DHX58: variants seen among roughly 807,000 people sequenced by gnomAD.
DHX58 encodes DExH-box helicase 58.
Under a neutral mutation model 65.0 loss-of-function variants are expected in DHX58, and 51 were observed. That is an observed-to-expected ratio of 0.78 (90% CI 0.63 to 0.99). The LOEUF is 0.99. DHX58 is among the 50% of genes least tolerant of loss of function. The pLI, the probability that DHX58 is intolerant of heterozygous loss-of-function variation, is 0.00. For synonymous variants in DHX58, 350 were observed against 365.0 expected (o/e 0.96, Z 0.47); for missense variants, 773 against 891.8 (o/e 0.87, Z 1.70).
At chr17:42,105,611 A>T (rs1459425003) in intron 9 of DHX58, 125 bp downstream of exon 9, 8 of 1,464,410 alleles carry the variant, frequency 5.5e-6, no homozygotes, top group Non-Finnish European at 7.2e-6. Flanking sequence ...CTGCCTGGGG[A>T]TAGTCAACTT....
chr17:42,102,219 C>T lies in DHX58; in HGVS notation c.1848G>A (p.Gly616=), dbSNP rs149287727. ...PGGVISCRNC[G]EVWGLQMIYK... is the part of the protein sequence containing the mutation. ...GGGACGTGGCCTAAGCTCTTACCTC[C>T]CCACAGTTCCTGCAGCTGATGACAC... Residue 616 remains glycine, a synonymous_variant, in exon 13 of 14, where the codon GGG becomes GGA. Coordinates refer to ENST00000251642, the MANE Select transcript of DHX58 (RefSeq NM_024119.3). 1.2e-5 allele frequency: 20 copies of T among 1,614,052 alleles called. No homozygotes were observed. The South Asian group carries it at 1.3e-4, about 11-fold the overall frequency.
rs148306396 is a variant in DHX58, at chr17:42,105,850, G to A, written c.1137C>T (p.Ser379=). Residue 379 remains serine (S), a synonymous_variant, in exon 9 of 14, where the codon AGC becomes AGT. Transcript: ENST00000251642. ...RGIIFTRTRQ[S]AHSLLLWLQQ... ...GGAGCCAGAGCAGGAGGGAGTGTGCGCTTTGGCGGGTGCGGGTGAAGATGA... is the reference window on the plus strand; with the variant it reads ...GGAGCCAGAGCAGGAGGGAGTGTGCACTTTGGCGGGTGCGGGTGAAGATGA... 96 of 1,614,030 alleles carry A rather than the reference G, an allele frequency of 5.9e-5. No individual in the cohort carries two copies. The highest frequency in any genetic ancestry group is 5.5e-4 in the African/African-American group (41 of 75,036).
intron 12 of DHX58, 83 bp from the exon 13 acceptor site, chr17:42,102,395 G>A: frequency 7.9e-7 from 1 of 1,259,400 alleles, no homozygotes; most frequent in Non-Finnish European, 1.2e-6. Context: ...CCAAGTCTCT[G>A]CCTGGACCTT....
chr17:42,106,824 A>G (rs946346187), intron 8 of DHX58, among the ~76,000 whole-genome samples: 2 of 151,484 alleles, frequency 1.3e-5, no homozygotes, highest in Admixed American at 6.6e-5. Flanking sequence ...AAAAACAAAA[A>G]AGGATGCCTC....
At chr17:42,110,316 G>A (rs797024608) in intron 5 of DHX58, among the ~76,000 whole-genome samples, 19 of 152,250 alleles carry the variant, frequency 1.2e-4, no homozygotes, top group African/African-American at 4.1e-4. Context: ...GCATTAAGCT[G>A]TTCAATGAAT....
chr17:42,109,947 G>A (rs1269898447), intron 5 of DHX58, among the ~76,000 whole-genome samples: 2 of 151,902 alleles, frequency 1.3e-5, no homozygotes, highest in Non-Finnish European at 1.5e-5. Context: ...CAGCACTATG[G>A]GAGGCCAAGG....
intron 12 of DHX58, chr17:42,103,261 G>T: frequency 3.2e-6 from 1 of 316,164 alleles, no homozygotes. Context: ...CTCTCTAGGA[G>T]ATAGTGGATG....
intron 8 of DHX58, 129 bp downstream of exon 8, chr17:42,107,475 G>GA: frequency 8.9e-7 from 1 of 1,122,608 alleles, no homozygotes. Flanking sequence ...ATTTTGGTTA[G>GA]AAAAATAGGA....
intron 4 of DHX58, 131 bp downstream of exon 4, chr17:42,111,164 AG>A: frequency 8.5e-7 from 1 of 1,171,892 alleles, no homozygotes; most frequent in Non-Finnish European, 1.2e-6. Flanking sequence ...GAGTGCCTGC[AG>A]GGGTTTTGTG....
chr17:42,103,821 G>T (rs782031836), intron 11 of DHX58, 23 bp from the exon 12 acceptor site: 6 of 1,594,946 alleles, frequency 3.8e-6, no homozygotes, highest in Non-Finnish European at 5.1e-6. Context: ...GAGACACCAG[G>T]CATGGCTGGG....
intron 12 of DHX58, 77 bp downstream of exon 12, chr17:42,103,531 C>G: frequency 6.5e-7 from 1 of 1,548,784 alleles, no homozygotes; most frequent in Non-Finnish European, 8.8e-7. Context: ...TCTTTAGCTT[C>G]CCAAAGCTTC....
Position 42,108,097 on chromosome 17 carries a change from C to T in DHX58, c.690G>A (p.Gly230=), listed in dbSNP as rs782063165. 2 of 1,614,232 alleles carry T rather than the reference C, an allele frequency of 1.2e-6. No homozygotes were observed. The highest frequency in any genetic ancestry group is 1.7e-6 in the Non-Finnish European group (2 of 1,180,046). ...LCHRRSQDPF[G]DLLKKLMDQI... ...GGTCCATGAGCTTCTTCAGCAAGTC[C>T]CCAAACGGATCCTGAGCAAGAGGAG... Residue 230 remains glycine, a synonymous_variant, in exon 7 of 14, where the codon GGG becomes GGA. Coordinates refer to ENST00000251642, the MANE Select transcript of DHX58 (RefSeq NM_024119.3).
chr17:42,103,944 G>T, intron 11 of DHX58, 146 bp from the exon 12 acceptor site: 1 of 922,128 alleles, frequency 1.1e-6, no homozygotes, highest in Non-Finnish European at 1.6e-6. Flanking sequence ...CTCTATTGCT[G>T]TGATGATGCA....
Position 42,103,809 on chromosome 17 carries a change from A to C in DHX58, c.1564-11T>G. On this transcript the variant is annotated splice_polypyrimidine_tract_variant and intron_variant, in intron 11 of 13. Coordinates refer to ENST00000251642, the MANE Select transcript of DHX58 (RefSeq NM_024119.3). ...CTGCAGATCCCGGATCTGGGGTGGG[A>C]GGAGACACCAGGCATGGCTGGGGCC... 6.3e-7 allele frequency: 1 copy of C among 1,599,352 alleles called. No homozygotes were observed. The highest frequency in any genetic ancestry group is 8.5e-7 in the Non-Finnish European group (1 of 1,176,844).
rs2053983628 is a variant in DHX58, at chr17:42,101,847, T to G, written c.1951A>C (p.Lys651Gln). ...ETPQGRIQAK[K>Q]WSRVPFSVPD... Reference sequence around the variant, plus strand: ...ACGGAGAAGGGCACGCGGGACCACTTTTTGGCCTGGATCCGCCCCTGAGGG... The same window carrying G: ...ACGGAGAAGGGCACGCGGGACCACTGTTTGGCCTGGATCCGCCCCTGAGGG... Residue 651 changes from lysine to glutamine, a missense_variant, in exon 14 of 14, where the codon AAG becomes CAG. Coordinates refer to ENST00000251642, the MANE Select transcript of DHX58 (RefSeq NM_024119.3). 1.2e-6 allele frequency: 2 copies of G among 1,614,082 alleles called. No individual in the cohort carries two copies. The highest frequency in any genetic ancestry group is 2.7e-5 in the African/African-American group (2 of 74,920).
intron 11 of DHX58, 104 bp downstream of exon 11, chr17:42,104,662 G>A (rs1393071623): frequency 1.3e-5 from 19 of 1,468,586 alleles, no homozygotes; most frequent in Non-Finnish European, 1.6e-5. Context: ...TTAGCCCCGA[G>A]ATGTAGAGGG....
chr17:42,101,756 G>A lies in DHX58; in HGVS notation c.*5C>T, dbSNP rs782696259. On this transcript the variant is annotated 3_prime_UTR_variant, in exon 14 of 14. Coordinates refer to ENST00000251642, the MANE Select transcript of DHX58 (RefSeq NM_024119.3). ...CCCAAACCGGGCACTGCAGCAATGA[G>A]GTGGTCAGTCCAGGGAGAGGTCCGA... 7 of 1,613,780 alleles carry A rather than the reference G, an allele frequency of 4.3e-6. No individual in the cohort carries two copies. The highest frequency in any genetic ancestry group is 1.7e-5 in the Admixed American group (1 of 60,020).
chr17:42,102,058 A>C, intron 13 of DHX58, 112 bp from the exon 14 acceptor site: 1 of 1,452,492 alleles, frequency 6.9e-7, no homozygotes, highest in Non-Finnish European at 9.4e-7. Flanking sequence ...CTGAGATGTC[A>C]CAGACTGTGG....
intron 4 of DHX58, 121 bp from the exon 5 acceptor site, chr17:42,111,034 C>T (rs2054142013): frequency 8.1e-7 from 1 of 1,230,266 alleles, no homozygotes; most frequent in African/African-American, 1.5e-5. Flanking sequence ...TGCAGCTGGT[C>T]CCAGGATGAG....
Sources: allele counts gnomAD v4.1 joint callset (sites outside exome capture counted in the v4.1 genomes callset), GRCh38; gene constraint gnomAD v4.1.1; transcripts MANE v1.5; gene names NCBI Gene and HGNC (gene_info 2026-07-23, HGNC 2026-07-21).